JARID2: variants seen among roughly 807,000 people sequenced by gnomAD.
JARID2 encodes the protein jumonji and AT-rich interaction domain containing 2.
Under a neutral mutation model 125.6 loss-of-function variants are expected in JARID2, and 21 were observed. That is an observed-to-expected ratio of 0.17 (90% CI 0.12 to 0.24). The LOEUF (loss-of-function observed/expected upper bound fraction) is 0.24, where lower values mean the gene tolerates loss of function less well. JARID2 is among the 10% of genes least tolerant of loss of function. The probability of loss-of-function intolerance (pLI) is 1.00; values close to 1 mark genes in which losing one functional copy is unlikely to be tolerated. For missense variants in JARID2, 1,303 were observed against 1,639.6 expected, an observed-to-expected ratio of 0.79 and a Z score of 3.55; for synonymous variants, 736 against 661.6, an observed-to-expected ratio of 1.11 and a Z score of -1.73.
At chr6:15,294,435 G>A (rs140942358) in intron 1 of JARID2, among the ~76,000 whole-genome samples, 4 of 152,252 alleles carry the variant, frequency 2.6e-5, no homozygotes, top group African/African-American at 9.6e-5. Flanking sequence ...CTCGTGATCC[G>A]CCCACCTTGG....
chr6:15,520,053 T>G lies in JARID2; in HGVS notation c.3559-16T>G, dbSNP rs754999163. On this transcript the variant is annotated splice_polypyrimidine_tract_variant and intron_variant, in intron 17 of 17. Transcript: ENST00000341776. ...ATACGGTATGTTAACTGTGTCTTCC[T>G]TTCACCCCCAAACAGGAACAGATTA... The G allele has an allele frequency of 1.9e-5, 31 of 1,605,076 alleles. No individual in the cohort carries two copies. The highest frequency in any genetic ancestry group is 6.8e-5 in the Admixed American group (4 of 58,710).
chr6:15,282,032 C>T (rs1469981149), intron 1 of JARID2, among the ~76,000 whole-genome samples: 1 of 151,666 alleles, frequency 6.6e-6, no homozygotes, highest in Non-Finnish European at 1.5e-5. Context: ...GAACTGTAAC[C>T]TTTGCCTCCC....
intron 2 of JARID2, among the ~76,000 whole-genome samples, chr6:15,383,035 GA>G (rs1420074508): frequency 4.6e-5 from 7 of 152,180 alleles, no homozygotes; most frequent in Non-Finnish European, 1.0e-4. Context: ...TAGGGAGACA[GA>G]AGGGAGGGAG....
chr6:15,422,155 C>T (rs1471674914), intron 3 of JARID2, among the ~76,000 whole-genome samples: 1 of 152,128 alleles, frequency 6.6e-6, no homozygotes, highest in East Asian at 1.9e-4. Context: ...CAGGAGAGGG[C>T]CCAGCTCAGC....
intron 16 of JARID2, among the ~76,000 whole-genome samples, chr6:15,516,456 C>A (rs985633883): frequency 2.0e-4 from 30 of 152,218 alleles, no homozygotes; most frequent in African/African-American, 6.3e-4. Flanking sequence ...CCAGCACTCT[C>A]CTGTGGCCTC....
At chr6:15,498,401 C>T (rs1203764172) in intron 7 of JARID2, among the ~76,000 whole-genome samples, 1 of 152,204 alleles carries the variant, frequency 6.6e-6, no homozygotes, top group African/African-American at 2.4e-5. Flanking sequence ...TTGGGTTCCC[C>T]TGTAGCCCTC....
At chr6:15,295,303 A>G (rs1003017431) in intron 1 of JARID2, among the ~76,000 whole-genome samples, 1 of 151,636 alleles carries the variant, frequency 6.6e-6, no homozygotes, top group Non-Finnish European at 1.5e-5. Context: ...TTGTATTTTT[A>G]GTAGAGACGG....
chr6:15,326,866 A>G (rs1762550073), intron 1 of JARID2, among the ~76,000 whole-genome samples: 2 of 152,370 alleles, frequency 1.3e-5, no homozygotes, highest in South Asian at 4.1e-4. Flanking sequence ...ATGATAACAT[A>G]ATGAGTCAAG....
At position 15,450,640 on chromosome 6, in the gene JARID2, G is replaced by A. The variant is rs78479263; in HGVS notation, c.324-1366G>A. Among the ~76,000 whole-genome samples the A allele has an allele frequency of 4.4e-3, 677 of 152,170 alleles. 4 individuals carry two copies. The highest frequency in any genetic ancestry group is 0.015 in the African/African-American group (634 of 41,498). On this transcript the variant is annotated intron_variant, in intron 3 of 17. Transcript: ENST00000341776. Reference sequence around the variant, plus strand: ...AAGAATGTTTTTCAAATACCTCTCTGAGCAGGTCTAGGTGAACAGTTTAAA... The same window carrying A: ...AAGAATGTTTTTCAAATACCTCTCTAAGCAGGTCTAGGTGAACAGTTTAAA...
chr6:15,352,961 C>A (rs1763481783), intron 1 of JARID2, among the ~76,000 whole-genome samples: 1 of 152,174 alleles, frequency 6.6e-6, no homozygotes, highest in Non-Finnish European at 1.5e-5. Context: ...TTGATGGACA[C>A]TTGGCTGGGT....
intron 1 of JARID2, among the ~76,000 whole-genome samples, chr6:15,366,317 A>T (rs528028791): frequency 1.3e-5 from 2 of 151,834 alleles, no homozygotes; most frequent in African/African-American, 4.8e-5. Flanking sequence ...AGTTTTTTAG[A>T]ATGTTTTTTT....
intron 3 of JARID2, among the ~76,000 whole-genome samples, chr6:15,446,134 C>G (rs764286756): frequency 1.3e-5 from 2 of 152,210 alleles, no homozygotes; most frequent in Non-Finnish European, 2.9e-5. Flanking sequence ...TTCTGTGATT[C>G]CTAAATCATG....
At chr6:15,488,526 G>A (rs949873629) in intron 6 of JARID2, among the ~76,000 whole-genome samples, 2 of 152,202 alleles carry the variant, frequency 1.3e-5, no homozygotes, top group African/African-American at 2.4e-5. Flanking sequence ...AAGTTGTAGA[G>A]GGGACGGAAG....
At chr6:15,388,277 A>C (rs1018359210) in intron 2 of JARID2, among the ~76,000 whole-genome samples, 2 of 152,140 alleles carry the variant, frequency 1.3e-5, no homozygotes, top group African/African-American at 4.8e-5. Flanking sequence ...TACTTGAGCC[A>C]CTTTAAATGT....
At chr6:15,276,689 C>T (rs1760534188) in intron 1 of JARID2, among the ~76,000 whole-genome samples, 1 of 152,114 alleles carries the variant, frequency 6.6e-6, no homozygotes, top group African/African-American at 2.4e-5. Flanking sequence ...AGATACTGGA[C>T]TCCTTTTTGT....
intron 6 of JARID2, among the ~76,000 whole-genome samples, chr6:15,488,750 T>C (rs1770002523): frequency 6.6e-6 from 1 of 151,984 alleles, no homozygotes; most frequent in Non-Finnish European, 1.5e-5. Flanking sequence ...TAGTATGCAG[T>C]TGGGGGGGTG....
chr6:15,339,912 A>T (rs1043853081), intron 1 of JARID2, among the ~76,000 whole-genome samples: 1 of 152,116 alleles, frequency 6.6e-6, no homozygotes, highest in Non-Finnish European at 1.5e-5. Context: ...AACTCAGAGG[A>T]CAATGTTGCT....
chr6:15,332,930 C>CTTTTTTT (rs1319288795), intron 1 of JARID2, among the ~76,000 whole-genome samples: 9 of 82,816 alleles, frequency 1.1e-4, no homozygotes, highest in African/African-American at 2.7e-4. Context: ...CTTTTCTTTT[C>CTTTTTTT]TTTTCTTTTT....
chr6:15,265,944 C>T (rs1250895121), intron 1 of JARID2, among the ~76,000 whole-genome samples: 2 of 152,098 alleles, frequency 1.3e-5, no homozygotes, highest in African/African-American at 2.4e-5. Flanking sequence ...AAGTGGAGCT[C>T]ATCAGGTCTC....
Sources: gnomAD v4.1 joint callset for allele counts (sites outside exome capture counted in the v4.1 genomes callset) on GRCh38, gnomAD v4.1.1 for gene constraint, MANE v1.5 for transcripts, NCBI Gene and HGNC (gene_info 2026-07-23, HGNC 2026-07-21) for gene names.